Variants in ACER3 observed in about 807,000 individuals in gnomAD.
ACER3 encodes the protein alkaline ceramidase 3.
ACER3 carries 16 observed loss-of-function variants against 48.9 expected under a neutral mutation model. The ratio of observed to expected loss-of-function variants is 0.33; its 90% CI spans 0.22 to 0.50. ACER3 has a LOEUF of 0.50. Ranked by LOEUF, ACER3 falls within the 20% of genes least tolerant of loss-of-function variation. The pLI, the probability that ACER3 is intolerant of heterozygous loss-of-function variation, is 0.98. For synonymous variants in ACER3, 109 were observed against 107.8 expected (o/e 1.01, Z -0.07); for missense variants, 227 against 326.0 (o/e 0.70, Z 2.34).
intron 7 of ACER3, among the ~76,000 whole-genome samples, chr11:77,005,303 C>G (rs544700568): frequency 6.6e-6 from 1 of 152,190 alleles, no homozygotes; most frequent in East Asian, 1.9e-4. Flanking sequence ...GTCTATAGTG[C>G]TTATGTTTCT....
At position 76,990,697 on chromosome 11, in the gene ACER3, G is replaced by A. The variant is rs368051518; in HGVS notation, c.438+123G>A. 68 of 645,676 alleles carry A rather than the reference G, an allele frequency of 1.1e-4. No homozygotes were observed. In the South Asian group the frequency reaches 1.2e-3, roughly 11 times the overall value. 40.0% of individuals were successfully genotyped at this position (645,676 alleles called of 1,614,324 possible). ...TTAATGAAATGGTAGATGTTCTAAG[G>A]AAGTTCAGTGTTTAAAAGGGAGGTT... is the stretch of plus-strand genomic sequence containing the variant. On this transcript the variant is annotated intron_variant, in intron 6 of 10. Coordinates refer to ENST00000532485, the MANE Select transcript of ACER3 (RefSeq NM_018367.7).
chr11:76,897,804 T>C (rs1945972768), intron 1 of ACER3, among the ~76,000 whole-genome samples: 1 of 152,214 alleles, frequency 6.6e-6, no homozygotes, highest in African/African-American at 2.4e-5. Context: ...TGTCAGTTCA[T>C]CTTTTAGGTA....
At position 76,948,030 on chromosome 11, in the gene ACER3, T is replaced by A. The variant is rs1284875688; in HGVS notation, c.215-10949T>A. On this transcript the variant is annotated intron_variant, in intron 2 of 10. Transcript: ENST00000532485. Reference sequence around the variant, plus strand: ...AGCAGGCAGCTGCAATGGCTCTTCATGTGGTTCCTATAGGCCTCAGTTGTG... The same window carrying A: ...AGCAGGCAGCTGCAATGGCTCTTCAAGTGGTTCCTATAGGCCTCAGTTGTG... 2.0e-5 allele frequency among the ~76,000 whole-genome samples: 3 copies of A among 152,212 alleles called. No individual in the cohort carries two copies. The East Asian group carries it at 5.8e-4, about 29-fold the overall frequency.
chr11:76,868,703 C>T (rs1945166337), intron 1 of ACER3, among the ~76,000 whole-genome samples: 1 of 152,210 alleles, frequency 6.6e-6, no homozygotes, highest in East Asian at 1.9e-4. Context: ...ACAGGCTTTG[C>T]TGGGTTTCCC....
chr11:76,911,420 CA>C (rs1946375105), intron 1 of ACER3, among the ~76,000 whole-genome samples: 1 of 152,126 alleles, frequency 6.6e-6, no homozygotes, highest in African/African-American at 2.4e-5. Context: ...TTAGCAGTGC[CA>C]GGGCCAGAGG....
At chr11:76,969,873 C>T (rs201218890) in intron 3 of ACER3, among the ~76,000 whole-genome samples, 1 of 150,570 alleles carries the variant, frequency 6.6e-6, no homozygotes, top group Non-Finnish European at 1.5e-5. Flanking sequence ...TGCAGCACAC[C>T]AACATGGCAC....
chr11:76,945,152 T>C (rs1425072325), intron 2 of ACER3, among the ~76,000 whole-genome samples: 2 of 152,130 alleles, frequency 1.3e-5, no homozygotes, highest in East Asian at 3.9e-4. Flanking sequence ...GGTTCTCAGA[T>C]TTCTCCTGTA....
At chr11:76,936,363 G>A (rs1382629386) in intron 2 of ACER3, among the ~76,000 whole-genome samples, 1 of 152,178 alleles carries the variant, frequency 6.6e-6, no homozygotes, top group Admixed American at 6.5e-5. Context: ...AAAAGAATTG[G>A]ATGTGTGCCT....
At chr11:76,864,149 CTG>C (rs1373974736) in intron 1 of ACER3, among the ~76,000 whole-genome samples, 2 of 152,198 alleles carry the variant, frequency 1.3e-5, no homozygotes. Context: ...CACCCGAAAA[CTG>C]TCTTCCTAGC....
In ACER3 at chr11:76,991,120, T is replaced by C. The variant is rs371790501; in HGVS notation, c.438+546T>C. Reference sequence around the variant, plus strand: ...GTACTATGCTCACTACTACACAGACTTCTAATCTCACCAACAGTCCTACTA... The same window carrying C: ...GTACTATGCTCACTACTACACAGACCTCTAATCTCACCAACAGTCCTACTA... On this transcript the variant is annotated intron_variant, in intron 6 of 10. Transcript: ENST00000532485. 2.0e-5 allele frequency among the ~76,000 whole-genome samples: 3 copies of C among 152,156 alleles called. No homozygotes were observed. The South Asian group carries it at 6.2e-4, about 32-fold the overall frequency.
chr11:76,888,325 T>G (rs1041743306), intron 1 of ACER3, among the ~76,000 whole-genome samples: 1 of 152,268 alleles, frequency 6.6e-6, no homozygotes, highest in Non-Finnish European at 1.5e-5. Flanking sequence ...ATGTATTCCT[T>G]AAAATCTATT....
intron 1 of ACER3, among the ~76,000 whole-genome samples, chr11:76,864,596 A>T (rs368355251): frequency 3.6e-3 from 362 of 99,850 alleles, no homozygotes; most frequent in Non-Finnish European, 5.0e-3. Context: ...TGGAATGGGT[A>T]TTTTTTTTTT....
At position 77,007,044 on chromosome 11, in the gene ACER3, C is replaced by T. The variant is rs149109107; in HGVS notation, c.498-7972C>T. On this transcript the variant is annotated intron_variant, in intron 7 of 10. Coordinates refer to ENST00000532485, the MANE Select transcript of ACER3 (RefSeq NM_018367.7). ...GGAGGATTGTTTGAACCCAGGAGTT[C>T]GAGGCTGCAGTGAGCTAGGATTGTG... Among the ~76,000 whole-genome samples the T allele has an allele frequency of 2.7e-3, 399 of 150,458 alleles. 2 individuals carry two copies. Among genetic ancestry groups the T allele is most frequent in the African/African-American group, 9.3e-3 (379 of 40,944 alleles).
chr11:76,979,838 A>AT (rs35704656), intron 4 of ACER3, among the ~76,000 whole-genome samples: 7,828 of 80,060 alleles, frequency 0.098, 234 homozygotes, highest in Middle Eastern at 0.19. Flanking sequence ...GTAACATTTT[A>AT]TTAAAAAAAA....
chr11:76,969,303 T>C (rs1948227988), intron 3 of ACER3, among the ~76,000 whole-genome samples: 1 of 152,206 alleles, frequency 6.6e-6, no homozygotes, highest in African/African-American at 2.4e-5. Context: ...CAACACGTGC[T>C]GGAGAGGATG....
intron 8 of ACER3, among the ~76,000 whole-genome samples, chr11:77,016,226 T>C (rs1949366776): frequency 6.6e-6 from 1 of 152,090 alleles, no homozygotes; most frequent in Non-Finnish European, 1.5e-5. Flanking sequence ...TTTTGGATTC[T>C]GATTCAAACA....
chr11:76,928,304 G>A (rs565360297), intron 2 of ACER3, among the ~76,000 whole-genome samples: 7 of 152,056 alleles, frequency 4.6e-5, no homozygotes, highest in South Asian at 2.1e-4. Flanking sequence ...TTTTTGATGG[G>A]GTTGTTTGTT....
intron 2 of ACER3, among the ~76,000 whole-genome samples, chr11:76,933,268 T>C (rs967130819): frequency 6.7e-5 from 10 of 148,210 alleles, no homozygotes; most frequent in African/African-American, 1.7e-4. Flanking sequence ...CACATACTTA[T>C]AATTTTTATT....
chr11:76,983,653 C>T (rs1948632017), intron 4 of ACER3, among the ~76,000 whole-genome samples: 1 of 152,024 alleles, frequency 6.6e-6, no homozygotes, highest in Non-Finnish European at 1.5e-5. Context: ...TCCAATTGTT[C>T]ATAGCCAGCA....
Sources: allele counts gnomAD v4.1 joint callset (sites outside exome capture counted in the v4.1 genomes callset), GRCh38; gene constraint gnomAD v4.1.1; transcripts MANE v1.5; gene names NCBI Gene and HGNC (gene_info 2026-07-23, HGNC 2026-07-21).